Variants in UBQLN4 observed in about 807,000 individuals in gnomAD.
UBQLN4 encodes ubiquilin-4.
UBQLN4 carries 11 observed loss-of-function variants against 60.4 expected under a neutral mutation model. The ratio of observed to expected loss-of-function variants is 0.18; its 90% CI spans 0.11 to 0.30. The LOEUF (loss-of-function observed/expected upper bound fraction) is 0.30, where lower values mean the gene tolerates loss of function less well. UBQLN4 is among the 10% of genes least tolerant of loss of function. The pLI is 1.00. For missense variants in UBQLN4, 417 were observed against 795.5 expected (o/e 0.52, Z 5.72); for synonymous variants, 258 against 313.1 (o/e 0.82, Z 1.86).
At chr1:156,034,682 C>T (rs917568737), downstream of UBQLN4, among the ~76,000 whole-genome samples, 17 of 150,844 alleles carry the variant, frequency 1.1e-4, no homozygotes, top group East Asian at 1.2e-3. Flanking sequence ...AATTCAGTTT[C>T]CTCTACCACA....
At chr1:156,042,091 C>A in intron 8 of UBQLN4, 62 bp downstream of exon 8, 3 of 1,609,738 alleles carry the variant, frequency 1.9e-6, no homozygotes, top group Non-Finnish European at 2.5e-6. Context: ...TCATTTCCAC[C>A]CATTGGGCTT....
At chr1:156,038,693 A>AT (rs974490234) in intron 10 of UBQLN4, among the ~76,000 whole-genome samples, 3 of 151,732 alleles carry the variant, frequency 2.0e-5, no homozygotes, top group Non-Finnish European at 2.9e-5. Flanking sequence ...AAAGAAAAAA[A>AT]TTTTTTTAGC....
intron 2 of UBQLN4, 149 bp from the exon 3 acceptor site, chr1:156,051,476 G>A (rs2102757279): frequency 8.6e-7 from 1 of 1,167,980 alleles, no homozygotes; most frequent in Non-Finnish European, 1.2e-6. Flanking sequence ...ATGGCGGGAG[G>A]GCAGTCAGTA....
At chr1:156,033,742 G>A (rs1683334543), downstream of UBQLN4, among the ~76,000 whole-genome samples, 4 of 151,832 alleles carry the variant, frequency 2.6e-5, no homozygotes, top group Admixed American at 2.6e-4. Context: ...TACTCAGGAG[G>A]CTGAGGCAGA....
intron 2 of UBQLN4, 52 bp downstream of exon 2, chr1:156,051,654 T>C: frequency 1.2e-6 from 2 of 1,608,762 alleles, no homozygotes; most frequent in East Asian, 2.2e-5. Flanking sequence ...TGAGAAAGTA[T>C]CAGATGGGGA....
downstream of UBQLN4, among the ~76,000 whole-genome samples, chr1:156,033,790 G>A (rs1683335175): frequency 6.6e-6 from 1 of 151,136 alleles, no homozygotes; most frequent in Non-Finnish European, 1.5e-5. Context: ...GTTGCAGTGA[G>A]CCGAGATTGC....
In UBQLN4 at chr1:156,050,994, A is replaced by C; in HGVS notation, c.478+116T>G. ...AAGTATCAATGTCTGGAACTCTGTC[A>C]TGGGGTCCCCTATCCCCATCAGACC... On this transcript the variant is annotated intron_variant, in intron 3 of 10. Transcript: ENST00000368309. The surrounding 1 kb of genome is among the most constrained non-coding windows in gnomAD (Gnocchi z 4.6). 1 of 1,008,498 alleles carries C rather than the reference A, an allele frequency of 9.9e-7. No individual in the cohort carries two copies. Among genetic ancestry groups the C allele is most frequent in the Non-Finnish European group, 1.5e-6 (1 of 670,952 alleles). The allele number at this position is 1,008,498 out of a possible 1,614,324, so 62.5% of individuals were successfully genotyped here. A position where few individuals can be genotyped will look rare whatever the true frequency, so the allele number is the denominator to read the frequency against.
intron 10 of UBQLN4, among the ~76,000 whole-genome samples, chr1:156,040,166 G>C (rs1020436500): frequency 4.0e-5 from 6 of 151,732 alleles, no homozygotes; most frequent in African/African-American, 7.3e-5. Flanking sequence ...GCCCGAGGCA[G>C]GCAGATCACC....
At chr1:156,047,841 G>T (rs1259892300) in intron 5 of UBQLN4, among the ~76,000 whole-genome samples, 1 of 147,042 alleles carries the variant, frequency 6.8e-6, no homozygotes, top group Non-Finnish European at 1.5e-5. Context: ...ACAGTGAGCC[G>T]AGATTGCGCC....
intron 5 of UBQLN4, among the ~76,000 whole-genome samples, chr1:156,045,778 C>A (rs1443873040): frequency 6.6e-6 from 1 of 152,096 alleles, no homozygotes; most frequent in African/African-American, 2.4e-5. Context: ...TCCATACTTT[C>A]CTCTACAGTT....
At position 156,050,758 on chromosome 1, in the gene UBQLN4, CAG is replaced by C. The variant is rs1470916567; in HGVS notation, c.479-207_479-206del. ...AGGCTGTGCCAAACATAGAACTGAG[CAG>C]AGAGAAGGCAACCAGCAATGGTCTG... On this transcript the variant is annotated intron_variant, in intron 3 of 10. Transcript: ENST00000368309. The surrounding 1 kb of genome is among the most constrained non-coding windows in gnomAD (Gnocchi z 4.6). 6.6e-6 allele frequency among the ~76,000 whole-genome samples: 1 copy of C among 152,198 alleles called. No individual in the cohort carries two copies. Among genetic ancestry groups the C allele is most frequent in the African/African-American group, 2.4e-5 (1 of 41,440 alleles).
intron 9 of UBQLN4, 93 bp from the exon 10 acceptor site, chr1:156,041,764 GA>G: frequency 1.4e-6 from 2 of 1,451,758 alleles, no homozygotes; most frequent in Non-Finnish European, 1.8e-6. Context: ...GAAGAAACAG[GA>G]AAACAGACCC....
rs765227929 is a variant in UBQLN4 at position 156,051,096 on chromosome 1, C to T, written c.478+14G>A. The T allele has an allele frequency of 1.1e-5, 17 of 1,611,888 alleles. No homozygotes were observed. Among genetic ancestry groups the T allele is most frequent in the East Asian group, 4.5e-5 (2 of 44,884 alleles). On this transcript the variant is annotated intron_variant, in intron 3 of 10. Transcript: ENST00000368309. ...ACCCCAAACAAGATTGTGCTCTCCT[C>T]TCTGAGGGCTTACAGAGTATGGACG...
rs540406381 is a variant in UBQLN4, at chr1:156,042,906, G to A, written c.1134C>T (p.Phe378=). The A allele has an allele frequency of 4.3e-6, 7 of 1,614,012 alleles. No homozygotes were observed. The change falls in exon 7 of 11, where the codon TTC becomes TTT. Residue 378 remains phenylalanine, a synonymous_variant. Coordinates refer to ENST00000368309, the MANE Select transcript of UBQLN4 (RefSeq NM_020131.5). The part of the protein sequence containing the change: ...INAASLGSGM[F]NSPEMQALLQ... ...GGAGGGCTTGCATTTCTGGGCTATTGAACATCCCTAGGACAAGGCGGAAAA... is the reference window on the plus strand; with the variant it reads ...GGAGGGCTTGCATTTCTGGGCTATTAAACATCCCTAGGACAAGGCGGAAAA...
chr1:156,039,793 C>T (rs898143669), intron 10 of UBQLN4, among the ~76,000 whole-genome samples: 2 of 151,258 alleles, frequency 1.3e-5, no homozygotes, highest in South Asian at 2.1e-4. Context: ...AAAAATTAGC[C>T]GGGCGTGGTG....
rs538954439 is a variant in UBQLN4, at chr1:156,042,998, G to A, written c.1127-85C>T. 6.3e-5 allele frequency: 95 copies of A among 1,498,066 alleles called. No individual in the cohort carries two copies. The East Asian group carries it at 1.7e-3, about 28-fold the overall frequency. 92.8% of individuals were successfully genotyped at this position (1,498,066 alleles called of 1,614,324 possible). A position where few individuals can be genotyped will look rare whatever the true frequency, so the allele number is the denominator to read the frequency against. ...CCTCACTTCAATCTACCTTACTTCA[G>A]ACACCGAATGACTACAAAACTCAGA... On this transcript the variant is annotated intron_variant, in intron 6 of 10. Coordinates refer to ENST00000368309, the MANE Select transcript of UBQLN4 (RefSeq NM_020131.5).
At chr1:156,033,176 A>T (rs1057434526), downstream of UBQLN4, 2 of 982,478 alleles carry the variant, frequency 2.0e-6, no homozygotes, top group Non-Finnish European at 2.4e-6. Context: ...AAAACAAGGC[A>T]TCCGACTCTG....
intron 5 of UBQLN4, among the ~76,000 whole-genome samples, chr1:156,046,333 CAAAAAAA>C (rs767622665): frequency 8.5e-6 from 1 of 117,496 alleles, no homozygotes; most frequent in Non-Finnish European, 1.7e-5. Context: ...ACTAATAATA[CAAAAAAA>C]AAAAAAAAAT....
At chr1:156,043,930 C>A in intron 6 of UBQLN4, 68 bp downstream of exon 6, 1 of 1,508,542 alleles carries the variant, frequency 6.6e-7, no homozygotes, top group South Asian at 1.2e-5. Context: ...AGTATGAACC[C>A]CATTCAGTCC....
Sources: allele counts gnomAD v4.1 joint callset (sites outside exome capture counted in the v4.1 genomes callset), GRCh38; gene constraint gnomAD v4.1.1; non-coding constraint Gnocchi (gnomAD v3.1); transcripts MANE v1.5; gene names NCBI Gene and HGNC (gene_info 2026-07-23, HGNC 2026-07-21).